Variants in BMPR1B observed in about 807,000 individuals in gnomAD.
The protein encoded by BMPR1B is bone morphogenetic protein receptor type 1B, also known as bone morphogenetic protein receptor type-1B.
A neutral mutation model predicts 59.1 loss-of-function variants in BMPR1B; 12 were observed. That is an observed-to-expected ratio of 0.20 (90% CI 0.13 to 0.33). BMPR1B has a LOEUF of 0.33. BMPR1B is among the 10% of genes least tolerant of loss of function. BMPR1B has a pLI of 1.00. For missense variants in BMPR1B, 550 were observed against 610.9 expected (o/e 0.90, Z 1.05); for synonymous variants, 237 against 207.3 (o/e 1.14, Z -1.23).
intron 1 of BMPR1B, among the ~76,000 whole-genome samples, chr4:94,854,464 T>C (rs1725679624): frequency 6.6e-6 from 1 of 152,086 alleles, no homozygotes; most frequent in Non-Finnish European, 1.5e-5. Context: ...ATTGAGATTG[T>C]GGATGCAAGT....
At chr4:94,909,629 T>C (rs1728198980) in intron 2 of BMPR1B, among the ~76,000 whole-genome samples, 1 of 152,040 alleles carries the variant, frequency 6.6e-6, no homozygotes, top group South Asian at 2.1e-4. Context: ...GAGATAAAAC[T>C]TTCTCCTATT....
At chr4:95,079,781 C>T (rs946262462) in intron 3 of BMPR1B, among the ~76,000 whole-genome samples, 1 of 151,492 alleles carries the variant, frequency 6.6e-6, no homozygotes, top group Non-Finnish European at 1.5e-5. Flanking sequence ...CAAAATTCTG[C>T]CTGTGATAAC....
At chr4:95,008,530 A>G (rs1168871883) in intron 3 of BMPR1B, among the ~76,000 whole-genome samples, 2 of 152,194 alleles carry the variant, frequency 1.3e-5, no homozygotes, top group African/African-American at 2.4e-5. Flanking sequence ...CAAATTCTGT[A>G]TAGATGAAGG....
At chr4:94,980,607 G>A (rs544758778) in intron 2 of BMPR1B, among the ~76,000 whole-genome samples, 94 of 152,288 alleles carry the variant, frequency 6.2e-4, no homozygotes, top group African/African-American at 2.2e-3. Flanking sequence ...GTCAGAATGA[G>A]TGTGGGTGTG....
intron 10 of BMPR1B, among the ~76,000 whole-genome samples, chr4:95,133,888 T>TC (rs1733568041): frequency 6.6e-6 from 1 of 151,478 alleles, no homozygotes; most frequent in Admixed American, 6.6e-5. Context: ...GTTTTTTTTT[T>TC]CATTATACTT....
In BMPR1B at chr4:95,037,204, A is replaced by G. The variant is rs1033951049; in HGVS notation, c.-18+41070A>G. Among the ~76,000 whole-genome samples the G allele has an allele frequency of 2.6e-4, 40 of 152,194 alleles. No individual in the cohort carries two copies. In the South Asian group the frequency reaches 4.4e-3, roughly 17 times the overall value. The stretch of plus-strand genomic sequence containing the variant: ...CATTAGAAAATGCCCAACAAATAGG[A>G]TGGGGGCAGGGCTTAAAGCTAAGTG... On this transcript the variant is annotated intron_variant, in intron 3 of 12. Transcript: ENST00000515059.
intron 1 of BMPR1B, among the ~76,000 whole-genome samples, chr4:94,839,284 T>G (rs1724948607): frequency 7.3e-6 from 1 of 136,374 alleles, no homozygotes; most frequent in African/African-American, 2.8e-5. Context: ...GTCTGCTTGG[T>G]GCAGAGCTGA....
intron 1 of BMPR1B, among the ~76,000 whole-genome samples, chr4:94,784,473 T>C (rs989791244): frequency 3.3e-5 from 5 of 152,202 alleles, no homozygotes; most frequent in African/African-American, 1.2e-4. Flanking sequence ...TGAATAGTTT[T>C]TCAAAATTAT....
rs1042888384 is a variant in BMPR1B at position 94,898,483 on chromosome 4, T to G, written c.-113+22583T>G. 3.9e-5 allele frequency among the ~76,000 whole-genome samples: 6 copies of G among 152,116 alleles called. No homozygotes were observed. The South Asian group carries it at 1.0e-3, about 26-fold the overall frequency. ...GTTCTTGGGGATAGCGAGAGACTTC[T>G]CATGAGATCTGATGGTTTTACAAGG... On this transcript the variant is annotated intron_variant, in intron 2 of 12. Transcript: ENST00000515059.
At position 95,045,375 on chromosome 4, in the gene BMPR1B, T is replaced by C. The variant is rs188156336; in HGVS notation, c.-18+49241T>C. 1.1e-3 allele frequency among the ~76,000 whole-genome samples: 168 copies of C among 152,284 alleles called. 2 individuals are homozygous for C. The highest frequency in any genetic ancestry group is 3.4e-3 in the Middle Eastern group (1 of 294). ...TGCTTACCTCCAGAAATGAAGACAT[T>C]GCTTCCCATGTGTGTAGGATAAAAT... On this transcript the variant is annotated intron_variant, in intron 3 of 12. Transcript: ENST00000515059.
At chr4:94,859,223 T>C (rs557378230) in intron 1 of BMPR1B, among the ~76,000 whole-genome samples, 32 of 152,248 alleles carry the variant, frequency 2.1e-4, no homozygotes, top group Non-Finnish European at 4.3e-4. Flanking sequence ...TCACTGTAAG[T>C]TGTAAAGTGA....
chr4:94,815,930 T>C (rs1267827950), intron 1 of BMPR1B, among the ~76,000 whole-genome samples: 1 of 152,218 alleles, frequency 6.6e-6, no homozygotes, highest in Non-Finnish European at 1.5e-5. Context: ...GTGTGAATTG[T>C]CATTTCAGAG....
intron 1 of BMPR1B, among the ~76,000 whole-genome samples, chr4:94,797,434 T>C (rs1723238016): frequency 6.6e-6 from 1 of 152,242 alleles, no homozygotes; most frequent in African/African-American, 2.4e-5. Flanking sequence ...GAAATATATA[T>C]ATTGCTGAAG....
At chr4:95,069,520 G>A (rs924248955) in intron 3 of BMPR1B, among the ~76,000 whole-genome samples, 1 of 152,088 alleles carries the variant, frequency 6.6e-6, no homozygotes, top group African/African-American at 2.4e-5. Context: ...TCTCAAAACT[G>A]ACTTTTACAT....
chr4:95,143,762 C>T (rs1041333642), intron 10 of BMPR1B, among the ~76,000 whole-genome samples: 4 of 152,168 alleles, frequency 2.6e-5, no homozygotes, highest in Admixed American at 6.5e-5. Context: ...TAACCTCATT[C>T]GTACCTGGTA....
At chr4:95,109,613 C>G (rs1731466216) in intron 4 of BMPR1B, among the ~76,000 whole-genome samples, 1 of 151,914 alleles carries the variant, frequency 6.6e-6, no homozygotes. Flanking sequence ...AAATATTGAT[C>G]TATTTAATTA....
At chr4:95,088,148 A>T (rs148937884) in intron 3 of BMPR1B, among the ~76,000 whole-genome samples, 13 of 152,288 alleles carry the variant, frequency 8.5e-5, no homozygotes, top group African/African-American at 3.1e-4. Context: ...TATTTCTTGC[A>T]ATCTATTTAA....
chr4:94,898,639 A>G (rs1727680436), intron 2 of BMPR1B, among the ~76,000 whole-genome samples: 2 of 152,168 alleles, frequency 1.3e-5, no homozygotes, highest in East Asian at 3.9e-4. Context: ...GAGTCAATTA[A>G]ACTCTTTTCT....
intron 3 of BMPR1B, among the ~76,000 whole-genome samples, chr4:95,097,008 T>G (rs941987405): frequency 6.9e-6 from 1 of 144,404 alleles, no homozygotes; most frequent in South Asian, 2.1e-4. Context: ...ATGATATAAA[T>G]TGTATATTAT....
Sources: gnomAD v4.1 joint callset for allele counts (sites outside exome capture counted in the v4.1 genomes callset) on GRCh38, gnomAD v4.1.1 for gene constraint, MANE v1.5 for transcripts, NCBI Gene and HGNC (gene_info 2026-07-23, HGNC 2026-07-21) for gene names.